The following PCDH9 variants were observed in gnomAD, a reference collection of about 807,000 sequenced individuals.
The protein encoded by PCDH9 is protocadherin-9.
PCDH9 carries 24 observed loss-of-function variants against 70.6 expected under a neutral mutation model. The observed-to-expected ratio is 0.34, with a 90% CI of 0.25 to 0.48. The LOEUF is 0.48. PCDH9 is among the 20% of genes least tolerant of loss of function. The probability of loss-of-function intolerance (pLI) is 0.99; values close to 1 mark genes in which losing one functional copy is unlikely to be tolerated. For synonymous variants in PCDH9, 562 were observed against 558.5 expected (o/e 1.01, Z -0.09); for missense variants, 1,281 against 1,503.6 (o/e 0.85, Z 2.45).
At chr13:66,662,404 C>G (rs2078023558) in intron 3 of PCDH9, among the ~76,000 whole-genome samples, 1 of 151,446 alleles carries the variant, frequency 6.6e-6, no homozygotes, top group African/African-American at 2.4e-5. Context: ...ACTTGGGAGG[C>G]AGAGGTTTCC....
chr13:66,886,270 T>C (rs568278306), intron 3 of PCDH9, among the ~76,000 whole-genome samples: 1 of 152,286 alleles, frequency 6.6e-6, no homozygotes, highest in African/African-American at 2.4e-5. Flanking sequence ...TAGCTCACCC[T>C]GAGGGGTTGC....
intron 2 of PCDH9, among the ~76,000 whole-genome samples, chr13:67,027,677 AG>A (rs1433649031): frequency 1.3e-5 from 2 of 150,370 alleles, no homozygotes; most frequent in African/African-American, 4.9e-5. Flanking sequence ...CATCTGACAA[AG>A]GGCTAATATC....
intron 2 of PCDH9, among the ~76,000 whole-genome samples, chr13:67,079,948 A>G (rs2085951391): frequency 6.6e-6 from 1 of 152,196 alleles, no homozygotes; most frequent in African/African-American, 2.4e-5. Context: ...CCTAAAACCC[A>G]CCTATGATCT....
At chr13:66,472,704 G>GT (rs1254354527) in intron 4 of PCDH9, among the ~76,000 whole-genome samples, 1 of 151,846 alleles carries the variant, frequency 6.6e-6, no homozygotes, top group Non-Finnish European at 1.5e-5. Flanking sequence ...TTTGAAAATC[G>GT]TTTTTTTCCC....
intron 2 of PCDH9, among the ~76,000 whole-genome samples, chr13:67,094,431 T>A (rs375582702): frequency 1.8e-3 from 277 of 152,336 alleles, no homozygotes; most frequent in Middle Eastern, 0.017. Context: ...GAGGAAATAA[T>A]GTAGCTGACT....
intron 2 of PCDH9, among the ~76,000 whole-genome samples, chr13:67,110,007 T>C (rs942180949): frequency 2.0e-5 from 3 of 152,100 alleles, no homozygotes; most frequent in African/African-American, 2.4e-5. Flanking sequence ...TTTAGAGAAA[T>C]ACATCGGTCC....
chr13:66,337,639 T>A (rs1956059821), intron 4 of PCDH9, among the ~76,000 whole-genome samples: 1 of 143,588 alleles, frequency 7.0e-6, no homozygotes, highest in East Asian at 2.2e-4. Flanking sequence ...ACAGACTCCT[T>A]GGCTATTAAT....
intron 4 of PCDH9, among the ~76,000 whole-genome samples, chr13:66,434,431 A>G (rs1215764657): frequency 4.6e-5 from 7 of 152,034 alleles, no homozygotes; most frequent in African/African-American, 1.4e-4. Flanking sequence ...TTGGGCTAAT[A>G]TTACATATCA....
chr13:66,536,049 C>T (rs1005016736), intron 4 of PCDH9, among the ~76,000 whole-genome samples: 3 of 152,040 alleles, frequency 2.0e-5, no homozygotes, highest in African/African-American at 4.8e-5. Context: ...AAAGATCACA[C>T]GTGTATCTGC....
intron 2 of PCDH9, among the ~76,000 whole-genome samples, chr13:66,936,024 C>T: frequency 6.6e-6 from 1 of 152,072 alleles, no homozygotes; most frequent in East Asian, 1.9e-4. Flanking sequence ...GGCAGAGGTT[C>T]CAGTGAGCTG....
At chr13:66,609,583 T>C (rs933644853) in intron 4 of PCDH9, among the ~76,000 whole-genome samples, 2 of 152,130 alleles carry the variant, frequency 1.3e-5, no homozygotes, top group Admixed American at 1.3e-4. Context: ...GCATTTGGCA[T>C]ATATAAAGCA....
chr13:66,827,870 T>C (rs2080852725), intron 3 of PCDH9, among the ~76,000 whole-genome samples: 1 of 152,108 alleles, frequency 6.6e-6, no homozygotes. Flanking sequence ...ATGGGATACT[T>C]AGAGATATAC....
At chr13:67,176,915 T>C (rs1219165629) in intron 2 of PCDH9, among the ~76,000 whole-genome samples, 1 of 152,142 alleles carries the variant, frequency 6.6e-6, no homozygotes, top group Non-Finnish European at 1.5e-5. Context: ...AGGGATTTGC[T>C]GTTGGGTAAG....
At chr13:67,030,849 A>G (rs936210329) in intron 2 of PCDH9, among the ~76,000 whole-genome samples, 3 of 152,188 alleles carry the variant, frequency 2.0e-5, no homozygotes. Flanking sequence ...AGGTATGAGA[A>G]GATCTAAAGC....
intron 4 of PCDH9, among the ~76,000 whole-genome samples, chr13:66,445,531 CAT>C (rs200157580): frequency 0.012 from 1,649 of 139,976 alleles, 44 homozygotes; most frequent in African/African-American, 0.042. Flanking sequence ...AATATATACA[CAT>C]ATATATTATA....
At chr13:67,097,830 T>C (rs1413003029) in intron 2 of PCDH9, among the ~76,000 whole-genome samples, 2 of 152,148 alleles carry the variant, frequency 1.3e-5, no homozygotes, top group African/African-American at 4.8e-5. Context: ...TTGTGGGGTA[T>C]ATTACAAGAT....
At chr13:66,835,543 T>C (rs1411409903) in intron 3 of PCDH9, among the ~76,000 whole-genome samples, 1 of 152,214 alleles carries the variant, frequency 6.6e-6, no homozygotes, top group Non-Finnish European at 1.5e-5. Flanking sequence ...GACACAAAAG[T>C]GATGGATGAT....
At position 66,569,517 on chromosome 13, in the gene PCDH9, A is replaced by G. The variant is rs2076702802; in HGVS notation, c.3340+61693T>C. Among the ~76,000 whole-genome samples, 3 of 152,212 alleles carry G rather than the reference A, an allele frequency of 2.0e-5. No homozygotes were observed. The South Asian group carries it at 6.2e-4, about 32-fold the overall frequency. ...ATATTTTTCAGTGTCATTATATGTCATTGTACTGTAACGTCATTACAAATC... is the reference window on the plus strand; with the variant it reads ...ATATTTTTCAGTGTCATTATATGTCGTTGTACTGTAACGTCATTACAAATC... On this transcript the variant is annotated intron_variant, in intron 4 of 4. Transcript: ENST00000377865.
intron 3 of PCDH9, among the ~76,000 whole-genome samples, chr13:66,767,408 C>T (rs1356789637): frequency 6.6e-6 from 1 of 152,080 alleles, no homozygotes; most frequent in African/African-American, 2.4e-5. Flanking sequence ...AAATATGAGT[C>T]AAGTCAATCT....
Sources: allele counts gnomAD v4.1 joint callset (sites outside exome capture counted in the v4.1 genomes callset), GRCh38; gene constraint gnomAD v4.1.1; transcripts MANE v1.5; gene names NCBI Gene and HGNC (gene_info 2026-07-23, HGNC 2026-07-21).